NLRP11: variants seen among roughly 807,000 people sequenced by gnomAD.
The protein encoded by NLRP11 is NLR family pyrin domain containing 11.
A neutral mutation model predicts 79.3 loss-of-function variants in NLRP11; 53 were observed. That is an observed-to-expected ratio of 0.67 (90% confidence interval 0.54 to 0.84). The LOEUF (loss-of-function observed/expected upper bound fraction) is 0.84, where lower values mean the gene tolerates loss of function less well. Among genes scored for constraint, NLRP11 ranks in the 40% least tolerant of loss-of-function variants. The probability of loss-of-function intolerance (pLI) is 0.00; values close to 1 mark genes in which losing one functional copy is unlikely to be tolerated. For missense variants in NLRP11, 1,264 were observed against 1,255.0 expected, an observed-to-expected ratio of 1.01 and a Z score of -0.11; for synonymous variants, 518 against 462.6, an observed-to-expected ratio of 1.12 and a Z score of -1.54.
intron 4 of NLRP11, 22 bp from the exon 5 acceptor site, chr19:55,801,761 G>C (rs771830255): frequency 6.2e-7 from 1 of 1,609,956 alleles, no homozygotes; most frequent in Admixed American, 1.7e-5. Context: ...ATAATAGCAG[G>C]AAAGCACTAG....
chr19:55,789,064 A>T, intron 8 of NLRP11, 87 bp from the exon 9 acceptor site: 1 of 1,500,464 alleles, frequency 6.7e-7, no homozygotes. Flanking sequence ...CATCTACTAG[A>T]TCCCTCCAAG....
At chr19:55,811,131 T>C (rs1600191650) in intron 2 of NLRP11, among the ~76,000 whole-genome samples, 3 of 152,188 alleles carry the variant, frequency 2.0e-5, no homozygotes, top group South Asian at 2.1e-4. Flanking sequence ...TTTATGCATA[T>C]CATTACTGAA....
intron 4 of NLRP11, among the ~76,000 whole-genome samples, chr19:55,805,994 G>C (rs1367753452): frequency 1.3e-5 from 2 of 152,216 alleles, no homozygotes; most frequent in Admixed American, 1.3e-4. Context: ...ACTGCCATCT[G>C]ACACAGTTGA....
chr19:55,810,721 CTCCTGGCCTCAGGTGA>C (rs1241613324), intron 2 of NLRP11, among the ~76,000 whole-genome samples: 1 of 152,220 alleles, frequency 6.6e-6, no homozygotes, highest in Non-Finnish European at 1.5e-5. Context: ...TGGTTTCGAA[CTCCTGGCCTCAGGTGA>C]TCCACCTGCC....
chr19:55,814,490 T>C (rs925123952), intron 2 of NLRP11, among the ~76,000 whole-genome samples: 1 of 152,046 alleles, frequency 6.6e-6, no homozygotes, highest in African/African-American at 2.4e-5. Flanking sequence ...CTTTACACTA[T>C]ACCAGGACAA....
At chr19:55,799,929 TGCACTCCAGCCAGG>T (rs1219571893) in intron 5 of NLRP11, among the ~76,000 whole-genome samples, 1 of 152,008 alleles carries the variant, frequency 6.6e-6, no homozygotes, top group Non-Finnish European at 1.5e-5. Context: ...ATCACACCAC[TGCACTCCAGCCAGG>T]GCAAAAAGAG....
At chr19:55,788,837 A>C in exon 9 of NLRP11, 1 of 1,609,860 alleles carries the variant, frequency 6.2e-7, no homozygotes. Context: ...ATCTGGGCTG[A>C]TCAAGCTCTC....
chr19:55,819,497 C>A (rs1324312480), intron 1 of NLRP11, among the ~76,000 whole-genome samples: 1 of 152,102 alleles, frequency 6.6e-6, no homozygotes, highest in East Asian at 1.9e-4. Context: ...ACTAAAGAAT[C>A]CATTCCAGAG....
In NLRP11 at chr19:55,808,981, C is replaced by CATAT; in HGVS notation, c.1625_1628dup (p.Met543IlefsTer10). 2 of 1,614,074 alleles carry CATAT rather than the reference C, an allele frequency of 1.2e-6. No individual in the cohort carries two copies. On this transcript the variant is annotated frameshift_variant, in exon 3 of 10. Transcript: ENST00000589093. LOFTEE classifies it high-confidence loss of function. ...TCTCATAGAGACAGTAAAACAAAGG[C>CATAT]ATATGGTGCGTCAACTTTTCCGGGT...
At chr19:55,831,071 A>G (rs959170856) in intron 1 of NLRP11, among the ~76,000 whole-genome samples, 1 of 143,942 alleles carries the variant, frequency 6.9e-6, no homozygotes, top group Non-Finnish European at 1.5e-5. Context: ...TTTGTAAACT[A>G]AAAATAACAT....
chr19:55,805,427 T>C (rs1979894501), intron 4 of NLRP11, among the ~76,000 whole-genome samples: 1 of 152,082 alleles, frequency 6.6e-6, no homozygotes, highest in African/African-American at 2.4e-5. Flanking sequence ...TTTTCCATGT[T>C]GCCGTATTTT....
At chr19:55,815,852 G>T (rs1411223833) in intron 2 of NLRP11, among the ~76,000 whole-genome samples, 1 of 152,080 alleles carries the variant, frequency 6.6e-6, no homozygotes, top group Non-Finnish European at 1.5e-5. Context: ...CAGGGACAGG[G>T]GTATGTGATA....
In NLRP11 at chr19:55,808,758, T is replaced by C; in HGVS notation, c.1841+11A>G. ...AAGACAGGAAAGAGGATTTATTTTT[T>C]AAAGACTCACCTAGCAGTTGGCCTT... is the stretch of plus-strand genomic sequence containing the variant. On this transcript the variant is annotated intron_variant, in intron 3 of 9. Transcript: ENST00000589093. 6.3e-7 allele frequency: 1 copy of C among 1,584,698 alleles called. No individual in the cohort carries two copies. Among genetic ancestry groups the C allele is most frequent in the Non-Finnish European group, 8.6e-7 (1 of 1,167,600 alleles).
chr19:55,808,789 T>TG lies in NLRP11; in HGVS notation c.1820dup (p.Leu608ThrfsTer7). 6.2e-7 allele frequency: 1 copy of TG among 1,609,746 alleles called. No individual in the cohort carries two copies. Among genetic ancestry groups the TG allele is most frequent in the Non-Finnish European group, 8.5e-7 (1 of 1,177,908 alleles). ...CTCACCTAGCAGTTGGCCTTATAAG[T>TG]GGCTCTTTGTTTTGAAAGATGCGCT... On this transcript the variant is annotated frameshift_variant, in exon 3 of 10. Transcript: ENST00000589093. LOFTEE classifies it high-confidence loss of function.
intron 5 of NLRP11, among the ~76,000 whole-genome samples, chr19:55,800,509 T>C (rs895146414): frequency 7.2e-5 from 11 of 152,156 alleles, no homozygotes; most frequent in Middle Eastern, 3.2e-3. Context: ...AGTTTCACTA[T>C]GTTGGCCAGG....
At chr19:55,808,704 A>G in intron 3 of NLRP11, 65 bp downstream of exon 3, 1 of 1,461,702 alleles carries the variant, frequency 6.8e-7, no homozygotes, top group Non-Finnish European at 9.2e-7. Flanking sequence ...TCTGGTCAAC[A>G]AGCTCTAGAA....
chr19:55,804,787 G>C (rs888975755), intron 4 of NLRP11, among the ~76,000 whole-genome samples: 2 of 150,098 alleles, frequency 1.3e-5, no homozygotes, highest in African/African-American at 5.0e-5. Flanking sequence ...ATTCACGGCT[G>C]GGTGCGGTGG....
rs577992772 is a variant in NLRP11 at position 55,798,979 on chromosome 19, G to A, written c.2171+2593C>T. 3.3e-5 allele frequency among the ~76,000 whole-genome samples: 5 copies of A among 152,246 alleles called. No individual in the cohort carries two copies. In the East Asian group the frequency reaches 9.7e-4, roughly 29 times the overall value. On this transcript the variant is annotated intron_variant, in intron 5 of 9. Coordinates refer to ENST00000589093, the Ensembl canonical transcript of NLRP11. ...GACCTAGAAAATTTGTCTAAGCCAG[G>A]CCACAAGAAAATCTGTATTTGAAAT... is the stretch of plus-strand genomic sequence containing the variant.
rs73060150 is a variant in NLRP11 at position 55,830,998 on chromosome 19, C to T, written c.-63+965G>A. Among the ~76,000 whole-genome samples, 1,148 of 152,094 alleles carry T rather than the reference C, an allele frequency of 7.5e-3. 9 individuals are homozygous for T. Among genetic ancestry groups the T allele is most frequent in the South Asian group, 0.022 (107 of 4,814 alleles). On this transcript the variant is annotated intron_variant, in intron 1 of 9. Transcript: ENST00000589093. The stretch of plus-strand genomic sequence containing the variant: ...CTGATTAGAGACTTTGGAGGTTGGG[C>T]CCAGGAACCAGTATATTGTTCCAAT...
Sources: allele counts gnomAD v4.1 joint callset (sites outside exome capture counted in the v4.1 genomes callset), GRCh38; gene constraint gnomAD v4.1.1; transcripts MANE v1.5; gene names NCBI Gene and HGNC (gene_info 2026-07-23, HGNC 2026-07-21).